Variants in CNIH3 observed in about 807,000 individuals in gnomAD.
CNIH3 encodes protein cornichon homolog 3.
CNIH3 carries 14 observed loss-of-function variants against 24.1 expected under a neutral mutation model. The ratio of observed to expected loss-of-function variants is 0.58; its 90% CI spans 0.38 to 0.91. CNIH3 has a LOEUF of 0.91. Ranked by LOEUF, CNIH3 falls within the 40% of genes least tolerant of loss-of-function variation. The pLI is 0.00. For missense variants in CNIH3, 178 were observed against 196.8 expected, an observed-to-expected ratio of 0.90 and a Z score of 0.57; for synonymous variants, 68 against 73.8, an observed-to-expected ratio of 0.92 and a Z score of 0.40.
intron 1 of CNIH3, among the ~76,000 whole-genome samples, chr1:224,447,028 T>C (rs1445161353): frequency 6.6e-6 from 1 of 151,944 alleles, no homozygotes; most frequent in Admixed American, 6.6e-5. Context: ...GTAAAGAACT[T>C]TTAGGAATTG....
chr1:224,712,380 G>A (rs991996996), intron 3 of CNIH3, among the ~76,000 whole-genome samples: 8 of 152,158 alleles, frequency 5.3e-5, no homozygotes, highest in Non-Finnish European at 7.4e-5. Flanking sequence ...TGAAGGTCTT[G>A]TCCTGCTGTG....
chr1:224,722,399 A>G (rs1688768210), intron 3 of CNIH3, among the ~76,000 whole-genome samples: 1 of 152,218 alleles, frequency 6.6e-6, no homozygotes, highest in East Asian at 1.9e-4. Flanking sequence ...ATTTGGATGC[A>G]GGTGGCTGGG....
At chr1:224,474,910 G>A (rs552863625) in intron 1 of CNIH3, among the ~76,000 whole-genome samples, 14 of 151,334 alleles carry the variant, frequency 9.3e-5, no homozygotes, top group Non-Finnish European at 1.3e-4. Context: ...TCGTGGCAGT[G>A]GGCGGGCGCC....
At chr1:224,577,048 T>C (rs1201513971) in intron 4 of CNIH3, among the ~76,000 whole-genome samples, 1 of 152,182 alleles carries the variant, frequency 6.6e-6, no homozygotes, top group Non-Finnish European at 1.5e-5. Context: ...TCTCTTACCT[T>C]ATATAAAAAT....
chr1:224,734,377 A>T (rs1689489156), intron 4 of CNIH3, among the ~76,000 whole-genome samples, 186 bp from the exon 5 acceptor site: 1 of 152,050 alleles, frequency 6.6e-6, no homozygotes, highest in Non-Finnish European at 1.5e-5. Flanking sequence ...GTATTTGGGG[A>T]TTTACTACCT....
At chr1:224,727,026 G>C (rs1206489447) in intron 3 of CNIH3, among the ~76,000 whole-genome samples, 3 of 152,182 alleles carry the variant, frequency 2.0e-5, no homozygotes, top group Non-Finnish European at 4.4e-5. Flanking sequence ...AGTTGGGAGG[G>C]AACGCCTGGT....
chr1:224,518,170 A>G (rs936101602), intron 1 of CNIH3, among the ~76,000 whole-genome samples: 1 of 152,210 alleles, frequency 6.6e-6, no homozygotes, highest in Non-Finnish European at 1.5e-5. Context: ...CGAGGTGGCC[A>G]CAGACTGCAG....
chr1:224,660,775 T>A lies in CNIH3; in HGVS notation c.82-20183T>A, dbSNP rs368990133. On this transcript the variant is annotated intron_variant, in intron 1 of 5. Transcript: ENST00000272133. Reference sequence around the variant, plus strand: ...ACTGAAAAAAATGAAATTGTTTCTATAGAAGGCTTATCCTGGCAATATTAA... The same window carrying A: ...ACTGAAAAAAATGAAATTGTTTCTAAAGAAGGCTTATCCTGGCAATATTAA... Among the ~76,000 whole-genome samples, 76 of 152,334 alleles carry A rather than the reference T, an allele frequency of 5.0e-4. No homozygotes were observed. In the Middle Eastern group the frequency reaches 0.01, roughly 20 times the overall value.
chr1:224,473,642 G>T (rs1171531988), intron 1 of CNIH3, among the ~76,000 whole-genome samples: 1 of 152,032 alleles, frequency 6.6e-6, no homozygotes, highest in Non-Finnish European at 1.5e-5. Context: ...GAGCACACAG[G>T]TATGTAAAGG....
At position 224,608,798 on chromosome 1, in the gene CNIH3, G is replaced by A. The variant is rs59643307; in HGVS notation, n.402+42534G>A. On this transcript the variant is annotated intron_variant and non_coding_transcript_variant, in intron 3 of 7. Coordinates refer to the CNIH3 transcript ENST00000478120. ...GGGCTGTCCACATGCACAGTGGCCT[G>A]CCAGCAGTTGGGAGGGGCCACATGC... is the stretch of plus-strand genomic sequence containing the variant. 2.4e-3 allele frequency among the ~76,000 whole-genome samples: 365 copies of A among 152,292 alleles called. 9 individuals carry two copies. In the East Asian group the frequency reaches 0.048, roughly 20 times the overall value.
intron 1 of CNIH3, among the ~76,000 whole-genome samples, chr1:224,470,641 T>C (rs1456058895): frequency 1.3e-5 from 2 of 152,092 alleles, no homozygotes; most frequent in African/African-American, 4.8e-5. Context: ...GTTATTGTTT[T>C]TTGTTTATTT....
chr1:224,437,803 A>G (rs1674726619), intron 1 of CNIH3, among the ~76,000 whole-genome samples: 1 of 152,234 alleles, frequency 6.6e-6, no homozygotes, highest in South Asian at 2.1e-4. Flanking sequence ...GCCATTGTCA[A>G]AAAAGTTTGA....
chr1:224,615,988 A>T (rs1180914814), upstream of CNIH3: 2 of 152,430 alleles, frequency 1.3e-5, no homozygotes, highest in African/African-American at 2.4e-5. Flanking sequence ...TTTAGGCGCG[A>T]GGCACACACC....
In CNIH3 at chr1:224,458,126, G is replaced by A. The variant is rs191259024; in HGVS notation, n.203+23264G>A. ...GATTTTGCATCCAGGGACGTCCTCTGTGCTTTTGAATGTATTAAGGAGTGA... is the reference window on the plus strand; with the variant it reads ...GATTTTGCATCCAGGGACGTCCTCTATGCTTTTGAATGTATTAAGGAGTGA... On this transcript the variant is annotated intron_variant and non_coding_transcript_variant, in intron 1 of 5. Coordinates refer to the CNIH3 transcript ENST00000471578. This position sits in a 1 kb window ranked among gnomAD's most constrained non-coding sequence, Gnocchi z 4.3. Among the ~76,000 whole-genome samples, 9 of 152,314 alleles carry A rather than the reference G, an allele frequency of 5.9e-5. 1 individual carries two copies. The East Asian group carries it at 1.7e-3, about 29-fold the overall frequency.
At position 224,622,430 on chromosome 1, in the gene CNIH3, G is replaced by A. The variant is rs972791381; in HGVS notation, c.81+5175G>A. On this transcript the variant is annotated intron_variant, in intron 1 of 5. Coordinates refer to ENST00000272133, the MANE Select transcript of CNIH3 (RefSeq NM_152495.2). ...AATGTAATGTCTGGATTGATGCATG[G>A]CACCTTATCATTGTTTGCGTTGCTT... Among the ~76,000 whole-genome samples the A allele has an allele frequency of 2.0e-5, 3 of 152,168 alleles. No individual in the cohort carries two copies. In the East Asian group the frequency reaches 5.8e-4, roughly 29 times the overall value.
chr1:224,457,187 G>A (rs1675700207), intron 1 of CNIH3, among the ~76,000 whole-genome samples: 1 of 152,092 alleles, frequency 6.6e-6, no homozygotes, highest in Non-Finnish European at 1.5e-5. Context: ...AGAGATGGTG[G>A]TGGTAAACTA....
At chr1:224,598,853 C>T (rs1682095212) in intron 3 of CNIH3, among the ~76,000 whole-genome samples, 1 of 152,090 alleles carries the variant, frequency 6.6e-6, no homozygotes, top group Admixed American at 6.5e-5. Flanking sequence ...ACTTATATGC[C>T]CTGGGAAACC....
At chr1:224,576,728 G>A (rs1681052970) in intron 4 of CNIH3, among the ~76,000 whole-genome samples, 1 of 152,074 alleles carries the variant, frequency 6.6e-6, no homozygotes, top group Admixed American at 6.5e-5. Context: ...AGCCCACATA[G>A]TGAAAGCAAG....
chr1:224,507,065 G>A (rs545382671), intron 1 of CNIH3, among the ~76,000 whole-genome samples: 56 of 152,162 alleles, frequency 3.7e-4, no homozygotes, highest in African/African-American at 1.3e-3. Context: ...GGGTTTCACC[G>A]TGTTGCCCAG....
Sources: gnomAD v4.1 joint callset for allele counts (sites outside exome capture counted in the v4.1 genomes callset) on GRCh38, gnomAD v4.1.1 for gene constraint, Gnocchi (gnomAD v3.1) non-coding constraint, MANE v1.5 for transcripts, NCBI Gene and HGNC (gene_info 2026-07-23, HGNC 2026-07-21) for gene names.